Variants in ARSJ observed in about 807,000 individuals in gnomAD.
ARSJ encodes arylsulfatase family member J, also known as arylsulfatase J.
In ARSJ, 26 loss-of-function variants were observed where a neutral mutation model predicts 35.9. The observed-to-expected ratio is 0.72, with a 90% CI of 0.53 to 1.00. ARSJ has a LOEUF of 1.00. Among genes scored for constraint, ARSJ ranks in the 50% least tolerant of loss-of-function variants. ARSJ has a pLI of 0.00. For missense variants in ARSJ, 667 were observed against 723.6 expected (o/e 0.92, Z 0.90); for synonymous variants, 294 against 267.6 (o/e 1.10, Z -0.96).
In ARSJ at chr4:113,978,718, G is replaced by A. The variant is rs201483377; in HGVS notation, c.117C>T (p.Leu39=). Residue 39 remains leucine (L), a synonymous_variant, in exon 1 of 2, where the codon CTC becomes CTT. Coordinates refer to ENST00000315366, the MANE Select transcript of ARSJ (RefSeq NM_024590.4). ...ALAGFWILCL[L]TYGYLSWGQA... ...GGCCCCAGGACAGGTAACCATAAGT[G>A]AGGAGGCAGAGGATCCAGAATCCTG... The A allele has an allele frequency of 4.3e-6, 7 of 1,614,224 alleles. No individual in the cohort carries two copies. Among genetic ancestry groups the A allele is most frequent in the South Asian group, 1.1e-5 (1 of 91,084 alleles).
intron 1 of ARSJ, among the ~76,000 whole-genome samples, chr4:113,960,817 G>T (rs1359869609): frequency 6.6e-6 from 1 of 152,002 alleles, no homozygotes; most frequent in East Asian, 1.9e-4. Context: ...AATGACCCAG[G>T]AGCCCTGGAG....
intron 1 of ARSJ, among the ~76,000 whole-genome samples, chr4:113,929,445 T>A (rs1340101971): frequency 6.6e-6 from 1 of 152,112 alleles, no homozygotes; most frequent in Non-Finnish European, 1.5e-5. Flanking sequence ...GCAGGAGGGA[T>A]GTTGCCACTA....
chr4:113,915,058 A>G (rs920873075), intron 1 of ARSJ, among the ~76,000 whole-genome samples: 1 of 152,168 alleles, frequency 6.6e-6, no homozygotes, highest in African/African-American at 2.4e-5. Flanking sequence ...GCATCTAGGT[A>G]TCATTGTAGG....
At chr4:113,970,493 G>T (rs1332685099) in intron 1 of ARSJ, 2 of 152,178 alleles carry the variant, frequency 1.3e-5, no homozygotes, top group African/African-American at 4.8e-5. Context: ...TGAATGTGAA[G>T]ATCAAATAAC....
chr4:113,928,243 C>T (rs1286886612), intron 1 of ARSJ, among the ~76,000 whole-genome samples: 1 of 152,090 alleles, frequency 6.6e-6, no homozygotes, highest in Non-Finnish European at 1.5e-5. Context: ...TGCTCAGTTA[C>T]ACTTGTAAAA....
chr4:113,978,292 C>A (rs144635374), intron 1 of ARSJ, 145 bp downstream of exon 1: 1 of 768,506 alleles, frequency 1.3e-6, no homozygotes, highest in African/African-American at 1.8e-5. Flanking sequence ...TAACACGGTA[C>A]CCCAATACCA....
chr4:113,953,364 C>T (rs988636945), intron 1 of ARSJ, among the ~76,000 whole-genome samples: 7 of 152,094 alleles, frequency 4.6e-5, no homozygotes, highest in African/African-American at 1.7e-4. Context: ...CAGTCCTTCA[C>T]AGATTTGAAG....
intron 1 of ARSJ, among the ~76,000 whole-genome samples, chr4:113,939,823 C>T (rs10027773): frequency 0.014 from 2,050 of 151,786 alleles, 42 homozygotes; most frequent in African/African-American, 0.047. Context: ...AGATATTAGC[C>T]CTTTGTCAGA....
intron 1 of ARSJ, among the ~76,000 whole-genome samples, chr4:113,955,837 T>C (rs1008502165): frequency 1.5e-4 from 23 of 152,250 alleles, no homozygotes; most frequent in Middle Eastern, 3.4e-3. Flanking sequence ...TCTCTGAAAA[T>C]GTTTTAACAA....
intron 1 of ARSJ, among the ~76,000 whole-genome samples, chr4:113,913,808 T>C (rs994089213): frequency 6.6e-6 from 1 of 152,154 alleles, no homozygotes; most frequent in Admixed American, 6.6e-5. Context: ...CACTTAGATA[T>C]GTAGACTAGG....
At position 113,902,793 on chromosome 4, in the gene ARSJ, G is replaced by A. The variant is rs148036722; in HGVS notation, c.1281C>T (p.Thr427=). 6.2e-5 allele frequency: 100 copies of A among 1,614,070 alleles called. No homozygotes were observed. In the African/African-American group the frequency reaches 1.2e-3, roughly 20 times the overall value. Residue 427 remains threonine, a synonymous_variant, in exon 2 of 2, where the codon ACC becomes ACT. Coordinates refer to ENST00000315366, the MANE Select transcript of ARSJ (RefSeq NM_024590.4). ...DILHNIDPIY[T]KAKNGSWAAG... is the part of the protein sequence containing the mutation. ...CTGCCCAGGAGCCATTTTTTGCCTTGGTGTATATGGGGTCAATGTTATGCA... is the reference window on the plus strand; with the variant it reads ...CTGCCCAGGAGCCATTTTTTGCCTTAGTGTATATGGGGTCAATGTTATGCA...
intron 1 of ARSJ, among the ~76,000 whole-genome samples, chr4:113,976,363 T>C (rs1340923529): frequency 6.6e-6 from 1 of 152,180 alleles, no homozygotes; most frequent in Non-Finnish European, 1.5e-5. Flanking sequence ...CATGTGTTCA[T>C]AGAGAGAACA....
Position 113,902,031 on chromosome 4 carries a change from G to A in ARSJ, c.*243C>T. ...TCAGGACTCACCACGTTTTCTAAAG[G>A]AGCAAGAGAAATAAACATCTCCACT... is the stretch of plus-strand genomic sequence containing the variant. On this transcript the variant is annotated 3_prime_UTR_variant, in exon 2 of 2. Coordinates refer to ENST00000315366, the MANE Select transcript of ARSJ (RefSeq NM_024590.4). 1.6e-6 allele frequency: 2 copies of A among 1,218,240 alleles called. No homozygotes were observed. The highest frequency in any genetic ancestry group is 1.1e-6 in the Non-Finnish European group (1 of 896,712). 75.5% of individuals were successfully genotyped at this position (1,218,240 alleles called of 1,614,324 possible).
chr4:113,964,040 A>C (rs995483200), intron 1 of ARSJ, among the ~76,000 whole-genome samples: 5 of 152,218 alleles, frequency 3.3e-5, no homozygotes, highest in Non-Finnish European at 5.9e-5. Flanking sequence ...AAAAGAAAAC[A>C]GATCTAAAAA....
chr4:113,904,580 G>T (rs1434847308), intron 1 of ARSJ, among the ~76,000 whole-genome samples: 2 of 152,166 alleles, frequency 1.3e-5, no homozygotes, highest in African/African-American at 4.8e-5. Flanking sequence ...CGCCTCCCGG[G>T]TTCACGCCAT....
At chr4:113,977,500 C>T (rs1299444849) in intron 1 of ARSJ, among the ~76,000 whole-genome samples, 1 of 152,216 alleles carries the variant, frequency 6.6e-6, no homozygotes, top group Admixed American at 6.5e-5. Context: ...TGTCCTGCAA[C>T]TGAAATCACA....
At position 113,921,283 on chromosome 4, in the gene ARSJ, C is replaced by T. The variant is rs370435277; in HGVS notation, c.399-17608G>A. 1.8e-4 allele frequency among the ~76,000 whole-genome samples: 28 copies of T among 152,198 alleles called. 1 individual carries two copies. The East Asian group carries it at 4.6e-3, about 25-fold the overall frequency. ...TCCATAAACTGTGCTGAGTATTACT[C>T]ATTTCAGTAAGAGAAGGAAGATTAC... is the stretch of plus-strand genomic sequence containing the variant. On this transcript the variant is annotated intron_variant, in intron 1 of 1. Coordinates refer to ENST00000315366, the MANE Select transcript of ARSJ (RefSeq NM_024590.4).
intron 1 of ARSJ, among the ~76,000 whole-genome samples, chr4:113,905,376 T>A (rs781261324): frequency 2.6e-5 from 4 of 152,162 alleles, no homozygotes; most frequent in Non-Finnish European, 5.9e-5. Flanking sequence ...GATGAATAGT[T>A]CAATTTATTT....
chr4:113,942,454 T>C (rs1322167460), intron 1 of ARSJ, among the ~76,000 whole-genome samples: 3 of 152,016 alleles, frequency 2.0e-5, no homozygotes, highest in Non-Finnish European at 4.4e-5. Flanking sequence ...CAAATGCCTA[T>C]TTCCTCTCTG....
Sources: allele counts gnomAD v4.1 joint callset (sites outside exome capture counted in the v4.1 genomes callset), GRCh38; gene constraint gnomAD v4.1.1; transcripts MANE v1.5; gene names NCBI Gene and HGNC (gene_info 2026-07-23, HGNC 2026-07-21).